Variants in KIF15 observed in about 807,000 individuals in gnomAD.
KIF15 encodes the protein kinesin-like protein KIF15.
Under a neutral mutation model 190.6 loss-of-function variants are expected in KIF15, and 140 were observed. The observed-to-expected ratio is 0.73, with a 90% confidence interval of 0.64 to 0.84. The LOEUF (loss-of-function observed/expected upper bound fraction) is 0.84, where lower values mean the gene tolerates loss of function less well. Ranked by LOEUF, KIF15 falls within the 40% of genes least tolerant of loss-of-function variation. The probability of loss-of-function intolerance (pLI) is 0.00; values close to 1 mark genes in which losing one functional copy is unlikely to be tolerated. For synonymous variants in KIF15, 528 were observed against 551.3 expected (o/e 0.96, Z 0.59); for missense variants, 1,372 against 1,584.4 (o/e 0.87, Z 2.28).
rs749973170 is a variant in KIF15, at chr3:44,852,913, C to G, written c.*178C>G. The stretch of plus-strand genomic sequence containing the variant: ...ATGAACATTCTGCATCCATATACAC[C>G]CTGTGACAGTCAGCAGTCTGCTATT... On this transcript the variant is annotated 3_prime_UTR_variant, in exon 35 of 35. Transcript: ENST00000326047. 2.1e-6 allele frequency: 1 copy of G among 472,028 alleles called. No homozygotes were observed. Among genetic ancestry groups the G allele is most frequent in the Admixed American group, 4.1e-5 (1 of 24,152 alleles). 29.2% of individuals were successfully genotyped at this position (472,028 alleles called of 1,614,324 possible).
intron 14 of KIF15, among the ~76,000 whole-genome samples, chr3:44,804,306 T>C (rs2125643206): frequency 6.6e-6 from 1 of 152,306 alleles, no homozygotes; most frequent in South Asian, 2.1e-4. Context: ...TCTAAACAAC[T>C]TTTACATGAT....
At chr3:44,814,399 T>C (rs186561756) in intron 19 of KIF15, among the ~76,000 whole-genome samples, 32 of 152,254 alleles carry the variant, frequency 2.1e-4, no homozygotes, top group Non-Finnish European at 4.1e-4. Context: ...AACCTCCAAC[T>C]CCCAGGCTCA....
At chr3:44,798,336 T>A (rs1009049302) in intron 10 of KIF15, among the ~76,000 whole-genome samples, 4 of 151,310 alleles carry the variant, frequency 2.6e-5, no homozygotes, top group Middle Eastern at 3.4e-3. Context: ...CTAATTTTTT[T>A]ATTTTTTTAA....
chr3:44,843,539 A>G (rs1412564715), intron 30 of KIF15, among the ~76,000 whole-genome samples: 1 of 152,262 alleles, frequency 6.6e-6, no homozygotes, highest in East Asian at 1.9e-4. Context: ...AATATCGACA[A>G]GGTTCAAGAA....
chr3:44,845,121 G>A (rs1378616327), intron 30 of KIF15, among the ~76,000 whole-genome samples: 1 of 152,180 alleles, frequency 6.6e-6, no homozygotes, highest in Non-Finnish European at 1.5e-5. Context: ...ATGACTCTGC[G>A]AATAAGATTG....
intron 11 of KIF15, 150 bp downstream of exon 11, chr3:44,800,587 G>C: frequency 1.4e-6 from 1 of 735,868 alleles, no homozygotes. Context: ...GAACATAGTG[G>C]TTTGTTTATA....
intron 16 of KIF15, among the ~76,000 whole-genome samples, chr3:44,810,528 G>A (rs1707738086): frequency 6.6e-6 from 1 of 152,084 alleles, no homozygotes; most frequent in South Asian, 2.1e-4. Context: ...CCACGGTGTT[G>A]GGATTATAGC....
chr3:44,773,634 C>T (rs978476534), intron 1 of KIF15, among the ~76,000 whole-genome samples: 6 of 152,098 alleles, frequency 3.9e-5, no homozygotes, highest in African/African-American at 7.2e-5. Context: ...CCCCTGAGAG[C>T]GATGAGGGGT....
intron 7 of KIF15, among the ~76,000 whole-genome samples, chr3:44,792,822 AG>A (rs1206214487): frequency 6.6e-6 from 1 of 152,196 alleles, no homozygotes; most frequent in East Asian, 1.9e-4. Context: ...CTGGAATTAC[AG>A]GCGTGAGCCA....
intron 16 of KIF15, among the ~76,000 whole-genome samples, chr3:44,807,350 G>A (rs950428277): frequency 1.3e-5 from 2 of 151,616 alleles, no homozygotes; most frequent in African/African-American, 4.8e-5. Context: ...TCTGCCTCCC[G>A]AGTAGTTGGG....
intron 26 of KIF15, among the ~76,000 whole-genome samples, chr3:44,837,827 A>C (rs115978929): frequency 1.1e-4 from 17 of 152,300 alleles, no homozygotes; most frequent in Middle Eastern, 3.4e-3. Flanking sequence ...ACAATGAATC[A>C]CAATCTGGTG....
chr3:44,862,496 G>A (rs1032752174), intron 6 of KIF15: 4 of 152,664 alleles, frequency 2.6e-5, no homozygotes, highest in Admixed American at 6.5e-5. Flanking sequence ...AGTCCCTTGT[G>A]CCTGAGCATT....
At chr3:44,824,332 C>T (rs1006501923) in intron 20 of KIF15, among the ~76,000 whole-genome samples, 2 of 152,198 alleles carry the variant, frequency 1.3e-5, no homozygotes, top group South Asian at 2.1e-4. Context: ...AAAATTCACC[C>T]CTTTCTCTTT....
intron 17 of KIF15, 35 bp downstream of exon 17, chr3:44,811,078 A>G (rs1707763639): frequency 6.9e-7 from 1 of 1,452,872 alleles, no homozygotes; most frequent in Middle Eastern, 2.1e-4. Flanking sequence ...AAATAACTGG[A>G]CATCCATTTA....
rs1261042029 is a variant in KIF15 at position 44,835,136 on chromosome 3, A to G, written c.3172-3139A>G. 2.0e-5 allele frequency among the ~76,000 whole-genome samples: 3 copies of G among 152,248 alleles called. No homozygotes were observed. In the East Asian group the frequency reaches 5.8e-4, roughly 29 times the overall value. On this transcript the variant is annotated intron_variant, in intron 26 of 34. Coordinates refer to ENST00000326047, the MANE Select transcript of KIF15 (RefSeq NM_020242.3). ...AAGAACATAAAACTTTACAAGCAAC[A>G]TGAAAAGAGACTTCAATAAAAGGAT... is the stretch of plus-strand genomic sequence containing the variant.
intron 1 of KIF15, among the ~76,000 whole-genome samples, chr3:44,769,018 A>T (rs1477082009): frequency 2.6e-5 from 4 of 152,052 alleles, no homozygotes; most frequent in Admixed American, 6.5e-5. Flanking sequence ...GTTAAAAAAA[A>T]TTTTTACCCT....
chr3:44,763,310 T>TC (rs1705229847), intron 1 of KIF15, among the ~76,000 whole-genome samples: 7 of 151,738 alleles, frequency 4.6e-5, no homozygotes, highest in Admixed American at 6.6e-5. Context: ...CTCTCTCTCT[T>TC]TTTTATTTTT....
downstream of KIF15, among the ~76,000 whole-genome samples, chr3:44,855,432 G>T (rs973812740): frequency 1.3e-5 from 2 of 152,186 alleles, no homozygotes; most frequent in Admixed American, 6.5e-5. Flanking sequence ...GGATATATAT[G>T]TGCAGGTCAC....
chr3:44,784,995 G>T, intron 6 of KIF15, 53 bp downstream of exon 6: 1 of 907,406 alleles, frequency 1.1e-6, no homozygotes, highest in Non-Finnish European at 1.7e-6. Context: ...TTTTGAATAG[G>T]TAGCTACTGA....
Sources: allele counts gnomAD v4.1 joint callset (sites outside exome capture counted in the v4.1 genomes callset), GRCh38; gene constraint gnomAD v4.1.1; transcripts MANE v1.5; gene names NCBI Gene and HGNC (gene_info 2026-07-23, HGNC 2026-07-21).